Variants in PALLD observed in about 807,000 individuals in gnomAD.
The protein encoded by PALLD is palladin.
Under a neutral mutation model 123.5 loss-of-function variants are expected in PALLD, and 61 were observed. The observed-to-expected ratio is 0.49, with a 90% CI of 0.40 to 0.61. The LOEUF is 0.61. Ranked by LOEUF, PALLD falls within the 20% of genes least tolerant of loss-of-function variation. The pLI, the probability that PALLD is intolerant of heterozygous loss-of-function variation, is 0.00. For synonymous variants in PALLD, 465 were observed against 496.4 expected, an observed-to-expected ratio of 0.94 and a Z score of 0.84; for missense variants, 1,273 against 1,377.0, an observed-to-expected ratio of 0.92 and a Z score of 1.20.
intron 10 of PALLD, among the ~76,000 whole-genome samples, chr4:168,761,641 G>GTTTGTTTTTTTT (rs1330850237): frequency 2.6e-4 from 3 of 11,650 alleles, no homozygotes; most frequent in Admixed American, 1.4e-3. Context: ...TGTTGTTGTT[G>GTTTGTTTTTTTT]TTTGTTTTTT....
intron 10 of PALLD, among the ~76,000 whole-genome samples, chr4:168,861,702 T>C (rs558266447): frequency 6.6e-6 from 1 of 152,258 alleles, no homozygotes; most frequent in East Asian, 1.9e-4. Flanking sequence ...GGGGTCTCGC[T>C]CTGTCCCCCA....
chr4:168,797,925 A>C (rs544975966), intron 10 of PALLD, among the ~76,000 whole-genome samples: 1 of 151,668 alleles, frequency 6.6e-6, no homozygotes, highest in South Asian at 2.1e-4. Flanking sequence ...AAATTTTGCA[A>C]CTTCCCTTCT....
chr4:168,778,149 AT>A (rs200149249), intron 10 of PALLD, among the ~76,000 whole-genome samples: 1 of 151,770 alleles, frequency 6.6e-6, no homozygotes, highest in African/African-American at 2.4e-5. Context: ...TCTTTCCTGA[AT>A]TTTTTTTTCT....
At chr4:168,661,898 T>C (rs1055889088) in intron 2 of PALLD, among the ~76,000 whole-genome samples, 4 of 152,222 alleles carry the variant, frequency 2.6e-5, no homozygotes, top group Non-Finnish European at 5.9e-5. Context: ...CTTCACAAGG[T>C]ACTTGTGAAA....
At chr4:168,846,665 A>G (rs560057179) in intron 10 of PALLD, among the ~76,000 whole-genome samples, 35 of 152,194 alleles carry the variant, frequency 2.3e-4, no homozygotes, top group Non-Finnish European at 5.0e-4. Context: ...ATTCAAATAC[A>G]TGTAAATCAC....
intron 10 of PALLD, chr4:168,832,704 C>G (rs1019672624): frequency 3.3e-5 from 5 of 152,290 alleles, no homozygotes; most frequent in Non-Finnish European, 5.9e-5. Context: ...CTTCCCAAGC[C>G]CATCCTCCTT....
At position 168,556,447 on chromosome 4, in the gene PALLD, A is replaced by G. The variant is rs561006885; in HGVS notation, c.908+44035A>G. ...AGAAGTTGAAGAAGAAGAAGTGAAG[A>G]AAAAGGTAAAGTGTTTTCCCTCTTC... On this transcript the variant is annotated intron_variant, in intron 2 of 21. Transcript: ENST00000505667. 6.6e-5 allele frequency among the ~76,000 whole-genome samples: 10 copies of G among 152,292 alleles called. No individual in the cohort carries two copies. The East Asian group carries it at 1.4e-3, about 21-fold the overall frequency.
intron 8 of PALLD, among the ~76,000 whole-genome samples, chr4:168,695,610 G>T (rs923414015): frequency 1.2e-4 from 18 of 152,076 alleles, no homozygotes; most frequent in Admixed American, 1.1e-3. Flanking sequence ...TAAAAAGTAA[G>T]TACCTCATGA....
At chr4:168,580,183 G>A (rs969512181) in intron 2 of PALLD, among the ~76,000 whole-genome samples, 11 of 151,380 alleles carry the variant, frequency 7.3e-5, no homozygotes, top group African/African-American at 2.7e-4. Context: ...CCTCATCAAT[G>A]TTGTCACAAA....
At chr4:168,718,728 C>T (rs1785624252) in intron 10 of PALLD, among the ~76,000 whole-genome samples, 1 of 152,114 alleles carries the variant, frequency 6.6e-6, no homozygotes, top group African/African-American at 2.4e-5. Context: ...TGTATTTTTT[C>T]TTTTATTTTT....
intron 10 of PALLD, among the ~76,000 whole-genome samples, chr4:168,807,986 G>A (rs889684007): frequency 1.4e-5 from 2 of 143,042 alleles, no homozygotes; most frequent in African/African-American, 5.1e-5. Flanking sequence ...GATTACAGGT[G>A]TGAGCCACTG....
At chr4:168,545,490 C>T (rs1439100132) in intron 2 of PALLD, among the ~76,000 whole-genome samples, 3 of 151,748 alleles carry the variant, frequency 2.0e-5, no homozygotes, top group Admixed American at 6.6e-5. Context: ...GATTGCACCA[C>T]TGCACTCCAG....
At chr4:168,583,051 C>T (rs1770451107) in intron 2 of PALLD, among the ~76,000 whole-genome samples, 2 of 152,068 alleles carry the variant, frequency 1.3e-5, no homozygotes, top group Admixed American at 1.3e-4. Flanking sequence ...TCTCATTTTC[C>T]CTCCCTGATA....
At chr4:168,920,109 C>G (rs1761136453) in intron 17 of PALLD, among the ~76,000 whole-genome samples, 1 of 152,094 alleles carries the variant, frequency 6.6e-6, no homozygotes, top group Admixed American at 6.5e-5. Context: ...CAACAAGGAG[C>G]CTGACCAAAG....
chr4:168,744,006 T>G (rs538748920), intron 10 of PALLD, among the ~76,000 whole-genome samples: 1 of 152,232 alleles, frequency 6.6e-6, no homozygotes, highest in East Asian at 1.9e-4. Context: ...GTCTGAAAGC[T>G]CCACAGAGTT....
chr4:168,899,403 A>C (rs1211518794), intron 14 of PALLD, among the ~76,000 whole-genome samples: 4 of 152,210 alleles, frequency 2.6e-5, no homozygotes, highest in African/African-American at 9.6e-5. Context: ...AGAATAAAAA[A>C]AAGGGAAAAA....
intron 2 of PALLD, among the ~76,000 whole-genome samples, chr4:168,573,512 T>C (rs982573013): frequency 6.6e-6 from 1 of 152,128 alleles, no homozygotes; most frequent in Non-Finnish European, 1.5e-5. Flanking sequence ...GCTAAGAAGA[T>C]TGATGGTCAT....
intron 10 of PALLD, among the ~76,000 whole-genome samples, chr4:168,811,984 G>A (rs981770070): frequency 6.6e-6 from 1 of 152,112 alleles, no homozygotes; most frequent in Non-Finnish European, 1.5e-5. Flanking sequence ...AAGAAAGGTG[G>A]TTGCTATGGA....
intron 10 of PALLD, among the ~76,000 whole-genome samples, chr4:168,758,621 G>GCTTGGAAACAGTCTGACTCAAAA (rs1732234653): frequency 1.3e-5 from 2 of 152,082 alleles, no homozygotes; most frequent in African/African-American, 4.8e-5. Flanking sequence ...AACAGTCTGA[G>GCTTGGAAACAGTCTGACTCAAAA]AAACATTAAA....
Sources: allele counts gnomAD v4.1 joint callset (sites outside exome capture counted in the v4.1 genomes callset), GRCh38; gene constraint gnomAD v4.1.1; transcripts MANE v1.5; gene names NCBI Gene and HGNC (gene_info 2026-07-23, HGNC 2026-07-21).